The following RFX5 variants were observed in gnomAD, a reference collection of about 807,000 sequenced individuals.
The protein encoded by RFX5 is regulatory factor X5.
RFX5 carries 30 observed loss-of-function variants against 41.2 expected under a neutral mutation model. The observed-to-expected ratio is 0.73, with a 90% CI of 0.54 to 0.99. The LOEUF is 0.99. Among genes scored for constraint, RFX5 ranks in the 50% least tolerant of loss-of-function variants. The pLI is 0.00. For synonymous variants in RFX5, 231 were observed against 291.8 expected (o/e 0.79, Z 2.12); for missense variants, 715 against 773.6 (o/e 0.92, Z 0.90).
At chr1:151,343,967 C>A in intron 8 of RFX5, 85 bp from the exon 9 acceptor site, 1 of 1,465,082 alleles carries the variant, frequency 6.8e-7, no homozygotes, top group South Asian at 1.2e-5. Context: ...AGACTATTGA[C>A]CAAAGCTGAG....
rs2102060673 is a variant in RFX5 at position 151,342,903 on chromosome 1, C to T, written c.1134G>A (p.Val378=). Residue 378 remains valine, a synonymous_variant, in exon 11 of 11, where the codon GTG becomes GTA. Coordinates refer to ENST00000452671, the MANE Select transcript of RFX5 (RefSeq NM_001025603.2). ...TTGGTAAGATCATGTTAATGATGGG[C>T]ACAGCTGCTGGGGGTGCCCCGGCCC... is the stretch of plus-strand genomic sequence containing the variant. ...SSRAGAPPAA[V]PIINMILPTV... is the part of the protein sequence containing the mutation. 6.2e-7 allele frequency: 1 copy of T among 1,614,208 alleles called. No individual in the cohort carries two copies. Among genetic ancestry groups the T allele is most frequent in the Non-Finnish European group, 8.5e-7 (1 of 1,180,048 alleles).
chr1:151,344,802 A>G lies in RFX5; in HGVS notation c.279T>C (p.Tyr93=), dbSNP rs1041864880. 9 of 1,613,032 alleles carry G rather than the reference A, an allele frequency of 5.6e-6. 1 individual carries two copies. In the East Asian group the frequency reaches 8.9e-5, roughly 16 times the overall value. ...CTTCCAGGTGGTTGCGGATCCACCT[A>G]TAGGCATACATGTACTCCTCATTGC... is the stretch of plus-strand genomic sequence containing the variant. ...TLSNEEYMYA[Y]RWIRNHLEEH... The change falls in exon 6 of 11, where the codon TAT becomes TAC. Residue 93 remains tyrosine (Y), a synonymous_variant. Transcript: ENST00000452671.
At position 151,345,115 on chromosome 1, in the gene RFX5, C is replaced by T; in HGVS notation, c.224G>A (p.Gly75Glu). 1.2e-6 allele frequency: 2 copies of T among 1,613,976 alleles called. No homozygotes were observed. Among genetic ancestry groups the T allele is most frequent in the Non-Finnish European group, 1.7e-6 (2 of 1,179,868 alleles). ...YLQLPSGPTT[G>E]DKSSEPSTLS... ...CTACTATCAAACCTACCTTTTGTCT[C>T]CAGTGGTGGGTCCTGAGGGGAGCTG... is the stretch of plus-strand genomic sequence containing the variant. Residue 75 changes from glycine (G) to glutamate (E), a missense_variant, in exon 5 of 11, where the codon GGA becomes GAA. Physicochemically the swap from Gly to Glu is moderately conservative, Grantham distance 98. Coordinates refer to ENST00000452671, the MANE Select transcript of RFX5 (RefSeq NM_001025603.2).
At position 151,340,891 on chromosome 1, in the gene RFX5, A is replaced by C. The variant is rs1026347006; in HGVS notation, c.*1295T>G. ...GTAGAGGACAAAGTAGGTCTTCAAT[A>C]AATATTAGTTGGTTTACTGCTTTTC... On this transcript the variant is annotated 3_prime_UTR_variant, in exon 11 of 11. Transcript: ENST00000452671. The C allele has an allele frequency of 3.3e-5, 5 of 152,604 alleles. No individual in the cohort carries two copies. Among genetic ancestry groups the C allele is most frequent in the African/African-American group, 1.2e-4 (5 of 41,456 alleles). The allele number at this position is 152,604 out of a possible 1,614,324, so 9.5% of individuals were successfully genotyped here.
At position 151,344,703 on chromosome 1, in the gene RFX5, T is replaced by TCCCCCCCC; in HGVS notation, c.353+24_353+25insGGGGGGGG. 7 of 1,515,652 alleles carry TCCCCCCCC rather than the reference T, an allele frequency of 4.6e-6. No individual in the cohort carries two copies. In the Admixed American group the frequency reaches 7.9e-5, roughly 17 times the overall value. The allele number at this position is 1,515,652 out of a possible 1,614,324, so 93.9% of individuals were successfully genotyped here. A position where few individuals can be genotyped will look rare whatever the true frequency, so the allele number is the denominator to read the frequency against. ...GGTCCTATGCCCACCAATCCACTCA[T>TCCCCCCCC]CCCACCACCCACCCCTCCACCCACC... On this transcript the variant is annotated intron_variant, in intron 6 of 10. Transcript: ENST00000452671.
rs767782015 is a variant in RFX5, at chr1:151,342,264, A to G, written c.1773T>C (p.Gly591=). ...GCACATGCTCCTTTAAGTCTTTATT[A>G]CCCTGTGGTGCAGTGTCTACCTCTC... The part of the protein sequence containing the change: ...AKGEVDTAPQ[G]NKDLKEHVLQ... Residue 591 remains glycine (G), a synonymous_variant, in exon 11 of 11, where the codon GGT becomes GGC. Transcript: ENST00000452671. 9.3e-6 allele frequency: 15 copies of G among 1,614,126 alleles called. No individual in the cohort carries two copies. The highest frequency in any genetic ancestry group is 1.3e-5 in the Non-Finnish European group (15 of 1,180,030).
At chr1:151,344,604 C>T in intron 6 of RFX5, 68 bp from the exon 7 acceptor site, 1 of 1,611,226 alleles carries the variant, frequency 6.2e-7, no homozygotes, top group Non-Finnish European at 8.5e-7. Context: ...TCGAAGAGTC[C>T]CTAGGGATCA....
Position 151,343,760 on chromosome 1 carries a change from G to A in RFX5, c.678C>T (p.Val226=), listed in dbSNP as rs559709373. 3.5e-5 allele frequency: 56 copies of A among 1,613,944 alleles called. No homozygotes were observed. The highest frequency in any genetic ancestry group is 4.4e-5 in the Non-Finnish European group (52 of 1,180,048). Residue 226 remains valine (V), a synonymous_variant, in exon 9 of 11, where the codon GTC becomes GTT. Coordinates refer to ENST00000452671, the MANE Select transcript of RFX5 (RefSeq NM_001025603.2). ...LKRSFSSIVE[V]ARFLLQQHLI... ...GATGCTGCTGTAGCAGGAAGCGGGC[G>A]ACCTCAACGATGGAACTGAAGGACC...
At chr1:151,344,570 C>G (rs990691433) in intron 6 of RFX5, 34 bp from the exon 7 acceptor site, 1 of 1,613,878 alleles carries the variant, frequency 6.2e-7, no homozygotes, top group Non-Finnish European at 8.5e-7. Context: ...GGAAGATACT[C>G]AGAGAAGGAG....
intron 3 of RFX5, 100 bp from the exon 4 acceptor site, chr1:151,346,061 G>C: frequency 6.3e-7 from 1 of 1,596,932 alleles, no homozygotes; most frequent in South Asian, 1.1e-5. Flanking sequence ...CCCAGCAGGT[G>C]CTCAAGAATT....
At chr1:151,346,394 G>A in intron 2 of RFX5, 61 bp from the exon 3 acceptor site, 2 of 1,311,418 alleles carry the variant, frequency 1.5e-6, no homozygotes, top group South Asian at 2.4e-5. Flanking sequence ...TTCCCCAGAA[G>A]GCCCCAGGGC....
Position 151,344,479 on chromosome 1 carries a change from C to T in RFX5, c.411G>A (p.Lys137=). Residue 137 remains lysine, a synonymous_variant, in exon 7 of 11, where the codon AAG becomes AAA. Transcript: ENST00000452671. ...TGTCAGGGAAGATCTCTCTGATGAT[C>T]TTGCCAAAGTTGGCTGTGCTGAGTG... The part of the protein sequence containing the change: ...CRPLSTANFG[K]IIREIFPDIK... The T allele has an allele frequency of 6.2e-7, 1 of 1,614,210 alleles. No individual in the cohort carries two copies. The highest frequency in any genetic ancestry group is 8.5e-7 in the Non-Finnish European group (1 of 1,180,036).
chr1:151,344,304 C>T, intron 7 of RFX5, 26 bp from the exon 8 acceptor site: 1 of 1,614,012 alleles, frequency 6.2e-7, no homozygotes, highest in Non-Finnish European at 8.5e-7. Flanking sequence ...GAGCAGCCAA[C>T]ACATGGCGAT....
At chr1:151,346,641 T>C (rs1218622825) in intron 1 of RFX5, 35 bp from the exon 2 acceptor site, 2 of 326,684 alleles carry the variant, frequency 6.1e-6, no homozygotes, top group South Asian at 3.1e-5. Context: ...TGGGAATCCA[T>C]GTTAGCAAGA....
In RFX5 at chr1:151,342,865, A is replaced by C. The variant is rs1294445501; in HGVS notation, c.1172T>G (p.Leu391Trp). 2 of 1,614,080 alleles carry C rather than the reference A, an allele frequency of 1.2e-6. No homozygotes were observed. The highest frequency in any genetic ancestry group is 1.7e-6 in the Non-Finnish European group (2 of 1,180,034). The change falls in exon 11 of 11, where the codon TTG becomes TGG. Residue 391 changes from leucine to tryptophan, a missense_variant. Transcript: ENST00000452671. Reference sequence around the variant, plus strand: ...CCCAGGCCCAGGTCCAGGTCCAGGCAAAGCAGGAACAGTTGGTAAGATCAT... The same window carrying C: ...CCCAGGCCCAGGTCCAGGTCCAGGCCAAGCAGGAACAGTTGGTAAGATCAT... ...INMILPTVPALPGPGPGPGRA... is the reference protein window; with the variant it reads ...INMILPTVPAWPGPGPGPGRA...
At position 151,341,852 on chromosome 1, in the gene RFX5, A is replaced by T. The variant is rs1650463866; in HGVS notation, c.*334T>A. ...CAATAAATCCTTTTTATTTTAAGCC[A>T]GTTTGAATTAGGTTTTCTGTGATTT... On this transcript the variant is annotated 3_prime_UTR_variant, in exon 11 of 11. Transcript: ENST00000452671. 1 of 441,850 alleles carries T rather than the reference A, an allele frequency of 2.3e-6. No individual in the cohort carries two copies. The highest frequency in any genetic ancestry group is 3.4e-5 in the Admixed American group (1 of 29,120). The allele number at this position is 441,850 out of a possible 1,614,324, so 27.4% of individuals were successfully genotyped here. A position where few individuals can be genotyped will look rare whatever the true frequency, so the allele number is the denominator to read the frequency against.
chr1:151,346,383 C>T (rs1651062374), intron 2 of RFX5, 50 bp from the exon 3 acceptor site: 2 of 1,472,294 alleles, frequency 1.4e-6, no homozygotes, highest in African/African-American at 2.8e-5. Flanking sequence ...CTGGCCTTCC[C>T]TTCCCCAGAA....
chr1:151,343,792 G>T lies in RFX5; in HGVS notation c.646C>A (p.Leu216Met). 1.2e-6 allele frequency: 2 copies of T among 1,614,124 alleles called. No homozygotes were observed. The highest frequency in any genetic ancestry group is 1.7e-6 in the Non-Finnish European group (2 of 1,180,040). The change falls in exon 9 of 11, where the codon CTG (leucine) becomes ATG (methionine). Residue 216 changes from leucine to methionine, a missense_variant. By Grantham distance (15) the Leu-to-Met change is conservative (BLOSUM62 2). Transcript: ENST00000452671. ...ACGATGGAACTGAAGGACCGTTTCA[G>T]GATCCGCTCTGCCCAGTCACAGGTC... ...ALTCDWAERI[L>M]KRSFSSIVEV...
chr1:151,342,826 C>T lies in RFX5; in HGVS notation c.1211G>A (p.Gly404Glu), dbSNP rs142021660. The T allele has an allele frequency of 8.7e-6, 14 of 1,613,956 alleles. No homozygotes were observed. In the Admixed American group the frequency reaches 1.0e-4, roughly 12 times the overall value. ...PGPGPGRAPPGGLTQPRGTEN... is the reference protein window; with the variant it reads ...PGPGPGRAPPEGLTQPRGTEN... Reference sequence around the variant, plus strand: ...TGTGCCCCGGGGCTGAGTGAGTCCCCCAGGTGGAGCTCGCCCAGGCCCAGG... The same window carrying T: ...TGTGCCCCGGGGCTGAGTGAGTCCCTCAGGTGGAGCTCGCCCAGGCCCAGG... The change falls in exon 11 of 11, where the codon GGG becomes GAG. Residue 404 changes from glycine (G) to glutamate (E), a missense_variant. Transcript: ENST00000452671.
Sources: allele counts gnomAD v4.1 joint callset, GRCh38; gene constraint gnomAD v4.1.1; transcripts MANE v1.5; gene names NCBI Gene and HGNC (gene_info 2026-07-23, HGNC 2026-07-21).